ABCF1: variants seen among roughly 807,000 people sequenced by gnomAD.
ABCF1 encodes ATP binding cassette subfamily F member 1, also known as ATP-binding cassette sub-family F member 1.
In ABCF1, 73 loss-of-function variants were observed where a neutral mutation model predicts 126.3. The ratio of observed to expected loss-of-function variants is 0.58; its 90% CI spans 0.48 to 0.70. ABCF1 has a LOEUF of 0.70. Ranked by LOEUF, ABCF1 falls within the 30% of genes least tolerant of loss-of-function variation. ABCF1 has a pLI of 0.00. For synonymous variants in ABCF1, 345 were observed against 396.4 expected, an observed-to-expected ratio of 0.87 and a Z score of 1.54; for missense variants, 786 against 1,057.5, an observed-to-expected ratio of 0.74 and a Z score of 3.56.
At position 30,583,912 on chromosome 6, in the gene ABCF1, G is replaced by A. The variant is rs1325023241; in HGVS notation, c.1102+22G>A. On this transcript the variant is annotated intron_variant, in intron 12 of 24. Transcript: ENST00000326195. The surrounding 1 kb of genome is among the most constrained non-coding windows in gnomAD (Gnocchi z 4.1). ...CAGGGTGAGACCACTGGGGAGAAAAGGGGCTTGGTGGGGTGGGCAGTTGGG... is the reference window on the plus strand; with the variant it reads ...CAGGGTGAGACCACTGGGGAGAAAAAGGGCTTGGTGGGGTGGGCAGTTGGG... 2.5e-6 allele frequency: 4 copies of A among 1,610,530 alleles called. No homozygotes were observed. In the African/African-American group the frequency reaches 5.3e-5, roughly 22 times the overall value.
At chr6:30,582,336 G>T (rs530231112) in intron 8 of ABCF1, 58 bp from the exon 9 acceptor site, 1 of 1,126,656 alleles carries the variant, frequency 8.9e-7, no homozygotes, top group South Asian at 1.3e-5. Context: ...GATTACAGGC[G>T]TGAGCCACCG....
chr6:30,586,043 T>A lies in ABCF1; in HGVS notation c.1713+52T>A. ...GGGGGCCACTGTTCTCTCCTGGCAG[T>A]GGAGGAAGAAGGAGACTCTGGAACG... On this transcript the variant is annotated intron_variant, in intron 17 of 24. Transcript: ENST00000326195. The surrounding 1 kb of genome is among the most constrained non-coding windows in gnomAD (Gnocchi z 4.9). The A allele has an allele frequency of 6.3e-7, 1 of 1,591,372 alleles. No individual in the cohort carries two copies. Among genetic ancestry groups the A allele is most frequent in the South Asian group, 1.1e-5 (1 of 88,864 alleles).
intron 7 of ABCF1, 45 bp from the exon 8 acceptor site, chr6:30,580,361 A>AG (rs1491520177): frequency 3.9e-4 from 113 of 287,362 alleles, no homozygotes; most frequent in South Asian, 2.6e-3. Context: ...AAAAAAAAAG[A>AG]AAAAAAAAAA....
Position 30,582,466 on chromosome 6 carries a change from G to A in ABCF1, c.751G>A (p.Ala251Thr). Reference protein sequence around the residue: ...GGESKADDPYAHLSKKEKKKL... With the variant: ...GGESKADDPYTHLSKKEKKKL... ...AGAGTCTAAGGCAGATGATCCCTAT[G>A]CTCATCTTAGCAAAAAGGAGAAGAA... The change falls in exon 9 of 25, where the codon GCT (alanine) becomes ACT (threonine). Residue 251 changes from alanine (A) to threonine (T), a missense_variant. Around this residue, in one of 4 missense-constraint regions of ABCF1, gnomAD observed 322 missense variants for 322.9 expected, o/e 1.00. Transcript: ENST00000326195. 6.2e-7 allele frequency: 1 copy of A among 1,613,002 alleles called. No homozygotes were observed. The highest frequency in any genetic ancestry group is 8.5e-7 in the Non-Finnish European group (1 of 1,180,014).
rs778219322 is a variant in ABCF1, at chr6:30,584,495, T to C, written c.1320T>C (p.Phe440=). Residue 440 remains phenylalanine, a synonymous_variant, in exon 14 of 25, where the codon TTT becomes TTC. Transcript: ENST00000326195. The surrounding 1 kb of genome is among the most constrained non-coding windows in gnomAD (Gnocchi z 4.6). ...KARRILAGLG[F]DPEMQNRPTQ... is the part of the protein sequence containing the mutation. ...GGCGGATCCTGGCTGGCCTGGGCTTTGACCCTGAAATGCAGAATCGACCCA... is the reference window on the plus strand; with the variant it reads ...GGCGGATCCTGGCTGGCCTGGGCTTCGACCCTGAAATGCAGAATCGACCCA... 4 of 1,612,976 alleles carry C rather than the reference T, an allele frequency of 2.5e-6. No homozygotes were observed. In the South Asian group the frequency reaches 4.4e-5, roughly 18 times the overall value.
intron 6 of ABCF1, among the ~76,000 whole-genome samples, 184 bp from the exon 7 acceptor site, chr6:30,579,747 C>T (rs775831370): frequency 7.9e-5 from 12 of 152,086 alleles, no homozygotes; most frequent in Non-Finnish European, 1.2e-4. Flanking sequence ...TGAGCCACCA[C>T]GCCCGGCCAA....
chr6:30,588,349 C>A (rs911397879), intron 20 of ABCF1, among the ~76,000 whole-genome samples: 1 of 152,014 alleles, frequency 6.6e-6, no homozygotes, highest in African/African-American at 2.4e-5. Context: ...CATGCAATTA[C>A]TTATTTCATA....
chr6:30,590,273 G>T (rs767429272), intron 23 of ABCF1, 33 bp from the exon 24 acceptor site: 1 of 1,611,880 alleles, frequency 6.2e-7, no homozygotes, highest in Non-Finnish European at 8.5e-7. Context: ...GACGGGAGTT[G>T]CAGTGCTCAG....
At chr6:30,587,182 G>A (rs904162445) in intron 20 of ABCF1, among the ~76,000 whole-genome samples, 3 of 151,940 alleles carry the variant, frequency 2.0e-5, no homozygotes, top group African/African-American at 7.3e-5. Flanking sequence ...CCTGGGAGGC[G>A]GGGGTTGCAG....
At position 30,578,335 on chromosome 6, in the gene ABCF1, CCT is replaced by C. The variant is rs754186088; in HGVS notation, c.344-12_344-11del. 21 of 1,613,890 alleles carry C rather than the reference CCT, an allele frequency of 1.3e-5. No individual in the cohort carries two copies. Among genetic ancestry groups the C allele is most frequent in the East Asian group, 4.5e-5 (2 of 44,892 alleles). The stretch of plus-strand genomic sequence containing the variant: ...ATTCTTTCCTATCTCATGTTCTCCC[CCT>C]GTCATTTCAGTACCCGCCCCAAAAC... On this transcript the variant is annotated splice_polypyrimidine_tract_variant and intron_variant, in intron 4 of 24. Transcript: ENST00000326195.
At chr6:30,585,710 GAAGA>G (rs1347495232) in intron 16 of ABCF1, 28 bp downstream of exon 16, 1 of 1,610,792 alleles carries the variant, frequency 6.2e-7, no homozygotes, top group Non-Finnish European at 8.5e-7. Flanking sequence ...TGGATGCAGG[GAAGA>G]GATAGAACCT....
chr6:30,574,129 GA>G lies in ABCF1; in HGVS notation c.73+2570del, dbSNP rs1239043869. 1.3e-5 allele frequency among the ~76,000 whole-genome samples: 2 copies of G among 151,126 alleles called. No individual in the cohort carries two copies. The highest frequency in any genetic ancestry group is 3.9e-4 in the East Asian group (2 of 5,174). ...GGATAAGAGTGATTAAAGTACAAAA[GA>G]TTTTTTTGGTTTTGGTGGGTTTTTT... On this transcript the variant is annotated intron_variant, in intron 1 of 24. Coordinates refer to ENST00000326195, the MANE Select transcript of ABCF1 (RefSeq NM_001025091.2). The surrounding 1 kb of genome is among the most constrained non-coding windows in gnomAD (Gnocchi z 4.3).
In ABCF1 at chr6:30,584,057, A is replaced by G; in HGVS notation, c.1103-135A>G. ...GAAAGGAGGGGAGGGTCAATGAGGA[A>G]CTTGAGAGTGTTTTATTTGGAACAA... On this transcript the variant is annotated intron_variant, in intron 12 of 24. Transcript: ENST00000326195. The surrounding 1 kb of genome is among the most constrained non-coding windows in gnomAD (Gnocchi z 4.6). 2.1e-6 allele frequency: 3 copies of G among 1,416,946 alleles called. No individual in the cohort carries two copies. The highest frequency in any genetic ancestry group is 2.9e-6 in the Non-Finnish European group (3 of 1,045,408). 87.8% of individuals were successfully genotyped at this position (1,416,946 alleles called of 1,614,324 possible). A position where few individuals can be genotyped will look rare whatever the true frequency, so the allele number is the denominator to read the frequency against.
chr6:30,572,491 A>G (rs1212855530), intron 1 of ABCF1, among the ~76,000 whole-genome samples: 1 of 152,146 alleles, frequency 6.6e-6, no homozygotes, highest in Non-Finnish European at 1.5e-5. Flanking sequence ...AAAGCCTCCC[A>G]AGAATATGTA....
chr6:30,585,798 C>A, intron 16 of ABCF1, 81 bp from the exon 17 acceptor site: 1 of 1,552,264 alleles, frequency 6.4e-7, no homozygotes, highest in Non-Finnish European at 8.8e-7. Context: ...GTGATGCCTA[C>A]CCCATCACCA....
chr6:30,571,474 T>G lies in ABCF1; in HGVS notation c.-14T>G. 6.2e-7 allele frequency: 1 copy of G among 1,607,266 alleles called. No homozygotes were observed. Among genetic ancestry groups the G allele is most frequent in the Non-Finnish European group, 8.5e-7 (1 of 1,177,800 alleles). ...GCACCGGGCGCCGCCACAGTAGCTG[T>G]AACTGCCACCGCGATGCCGAAGGCG... On this transcript the variant is annotated 5_prime_UTR_variant, in exon 1 of 25. Transcript: ENST00000326195.
At position 30,583,950 on chromosome 6, in the gene ABCF1, C is replaced by G; in HGVS notation, c.1102+60C>G. Reference sequence around the variant, plus strand: ...GTGGGCAGTTGGGTAGAAAAGCCAGCCAGCCAAGAATAGAAGAAATTGTGG... The same window carrying G: ...GTGGGCAGTTGGGTAGAAAAGCCAGGCAGCCAAGAATAGAAGAAATTGTGG... On this transcript the variant is annotated intron_variant, in intron 12 of 24. Transcript: ENST00000326195. The surrounding 1 kb of genome is among the most constrained non-coding windows in gnomAD (Gnocchi z 4.1). 2 of 1,568,690 alleles carry G rather than the reference C, an allele frequency of 1.3e-6. No individual in the cohort carries two copies. The highest frequency in any genetic ancestry group is 2.2e-5 in the East Asian group (1 of 44,596).
At chr6:30,572,547 A>G (rs1801307747) in intron 1 of ABCF1, among the ~76,000 whole-genome samples, 1 of 152,172 alleles carries the variant, frequency 6.6e-6, no homozygotes, top group African/African-American at 2.4e-5. Context: ...TCCATCACCC[A>G]GGCTGGAGTG....
chr6:30,582,528 G>T (rs774918455), intron 9 of ABCF1, 21 bp downstream of exon 9: 2 of 1,611,040 alleles, frequency 1.2e-6, no homozygotes, highest in East Asian at 2.2e-5. Flanking sequence ...GGTTCTTAGC[G>T]GTCAAAAGTA....
Sources: gnomAD v4.1 joint callset for allele counts (sites outside exome capture counted in the v4.1 genomes callset) on GRCh38, gnomAD v4.1.1 for gene constraint, gnomAD v4.1.1 regional missense constraint, Gnocchi (gnomAD v3.1) non-coding constraint, MANE v1.5 for transcripts, NCBI Gene and HGNC (gene_info 2026-07-23, HGNC 2026-07-21) for gene names.